STX8: variants seen among roughly 807,000 people sequenced by gnomAD.
STX8 encodes syntaxin-8.
STX8 carries 23 observed loss-of-function variants against 37.5 expected under a neutral mutation model. That is an observed-to-expected ratio of 0.61 (90% CI 0.44 to 0.87). The LOEUF is 0.87. Ranked by LOEUF, STX8 falls within the 40% of genes least tolerant of loss-of-function variation. STX8 has a pLI of 0.00. For synonymous variants in STX8, 115 were observed against 99.1 expected (o/e 1.16, Z -0.95); for missense variants, 313 against 284.7 (o/e 1.10, Z -0.71).
At chr17:9,432,561 A>G (rs968820828) in intron 6 of STX8, among the ~76,000 whole-genome samples, 8 of 152,236 alleles carry the variant, frequency 5.3e-5, no homozygotes, top group African/African-American at 1.4e-4. Flanking sequence ...CACTAAAATA[A>G]AAGATGAGGA....
At chr17:9,299,937 T>G (rs2531853) in intron 7 of STX8, among the ~76,000 whole-genome samples, 77,220 of 151,954 alleles carry the variant, frequency 0.51, 20,355 homozygotes, top group Middle Eastern at 0.69. Flanking sequence ...AGCTTTAAGT[T>G]GTTATCTCGT....
At chr17:9,484,973 A>G (rs1299017990) in intron 6 of STX8, among the ~76,000 whole-genome samples, 4 of 152,170 alleles carry the variant, frequency 2.6e-5, no homozygotes. Context: ...TTTATCAGGA[A>G]GGCATTGGGA....
chr17:9,517,788 TAAAAAAAA>T (rs11318149), intron 4 of STX8, among the ~76,000 whole-genome samples: 1 of 98,748 alleles, frequency 1.0e-5, no homozygotes, highest in Non-Finnish European at 2.0e-5. Context: ...ACCCCTATTG[TAAAAAAAA>T]AAAAAAAAAA....
chr17:9,400,695 C>T (rs991533260), intron 6 of STX8, among the ~76,000 whole-genome samples: 9 of 152,290 alleles, frequency 5.9e-5, no homozygotes, highest in Middle Eastern at 3.4e-3. Flanking sequence ...GTGAGCCACC[C>T]GCGCCCGGCC....
chr17:9,339,070 C>CAAAAAAAAAAAAAAA (rs34987749), intron 7 of STX8, among the ~76,000 whole-genome samples: 13 of 70,018 alleles, frequency 1.9e-4, no homozygotes, highest in African/African-American at 8.4e-4. Context: ...GACTCCGTCT[C>CAAAAAAAAAAAAAAA]AAAAAAAAAA....
intron 4 of STX8, among the ~76,000 whole-genome samples, chr17:9,528,024 G>A (rs1437810023): frequency 6.6e-6 from 1 of 152,204 alleles, no homozygotes; most frequent in African/African-American, 2.4e-5. Context: ...GAATACAACT[G>A]ACGAATTTGT....
chr17:9,568,266 T>A, intron 2 of STX8, 105 bp downstream of exon 2: 1 of 762,000 alleles, frequency 1.3e-6, no homozygotes, highest in South Asian at 1.8e-5. Flanking sequence ...AGCAGATAGA[T>A]CATCATACAC....
chr17:9,545,242 C>A lies in STX8; in HGVS notation c.253G>T (p.Asp85Tyr), dbSNP rs533254914. ...EGDRRQNLLD[D>Y]LVTRERLLLA... is the part of the protein sequence containing the mutation. ...AGTAGTCTCTCTCGAGTTACAAGAT[C>A]ATCCAAGAGGTTCTGTCTTCGGTCC... is the stretch of plus-strand genomic sequence containing the variant. The change falls in exon 4 of 8, where the codon GAT becomes TAT. Residue 85 changes from aspartate (D) to tyrosine (Y), a missense_variant. Asp to Tyr is a radical substitution (Grantham distance 160). Transcript: ENST00000306357. 5 of 1,614,152 alleles carry A rather than the reference C, an allele frequency of 3.1e-6. No homozygotes were observed. In the South Asian group the frequency reaches 5.5e-5, roughly 18 times the overall value.
At chr17:9,517,522 T>C (rs1021257397) in intron 4 of STX8, among the ~76,000 whole-genome samples, 3 of 151,930 alleles carry the variant, frequency 2.0e-5, no homozygotes, top group Non-Finnish European at 4.4e-5. Flanking sequence ...AGCACAGGTA[T>C]TACTGACAAG....
intron 6 of STX8, among the ~76,000 whole-genome samples, chr17:9,488,800 A>AAGAGAGAGAGAG (rs201248571): frequency 5.0e-5 from 7 of 140,792 alleles, no homozygotes; most frequent in African/African-American, 1.9e-4. Flanking sequence ...TTAAGAGAGA[A>AAGAGAGAGAGAG]AGAGAGAGAG....
intron 7 of STX8, among the ~76,000 whole-genome samples, chr17:9,262,362 G>A (rs1380838540): frequency 1.3e-5 from 2 of 152,104 alleles, no homozygotes; most frequent in Non-Finnish European, 2.9e-5. Context: ...ATTTTGAACT[G>A]AGCACAATTG....
chr17:9,470,116 A>G (rs35920214), intron 6 of STX8: 2 of 152,328 alleles, frequency 1.3e-5, no homozygotes, highest in South Asian at 4.1e-4. Context: ...AATAAAAACA[A>G]CAACAAAAAT....
At chr17:9,564,908 G>A in intron 2 of STX8, among the ~76,000 whole-genome samples, 1 of 152,156 alleles carries the variant, frequency 6.6e-6, no homozygotes, top group East Asian at 1.9e-4. Context: ...GCAATCCTAA[G>A]CAAAAAGAAC....
chr17:9,530,603 A>C (rs1465158577), intron 4 of STX8, among the ~76,000 whole-genome samples: 1 of 152,228 alleles, frequency 6.6e-6, no homozygotes, highest in Non-Finnish European at 1.5e-5. Flanking sequence ...TACATTCATC[A>C]ACCATTGAAT....
chr17:9,279,059 TTG>T (rs1190655235), intron 7 of STX8, among the ~76,000 whole-genome samples: 1 of 101,416 alleles, frequency 9.9e-6, no homozygotes, highest in Admixed American at 1.1e-4. Context: ...TGTGTGTTTT[TTG>T]TTTTTTGTTT....
At position 9,459,017 on chromosome 17, in the gene STX8, A is replaced by G. The variant is rs547341709; in HGVS notation, c.541+32812T>C. ...GCTAATGCTTTTTGTATTTTTTAGT[A>G]GAGACAGGGTTTCACCGTGTTAGCC... is the stretch of plus-strand genomic sequence containing the variant. On this transcript the variant is annotated intron_variant, in intron 6 of 7. Transcript: ENST00000306357. Among the ~76,000 whole-genome samples the G allele has an allele frequency of 2.2e-3, 332 of 152,012 alleles. 5 individuals carry two copies. Among genetic ancestry groups the G allele is most frequent in the African/African-American group, 7.7e-3 (319 of 41,434 alleles).
At chr17:9,571,054 G>A (rs1223719784) in intron 1 of STX8, among the ~76,000 whole-genome samples, 1 of 152,186 alleles carries the variant, frequency 6.6e-6, no homozygotes, top group African/African-American at 2.4e-5. Context: ...GCTAGTTTCT[G>A]CAGAGCCTTG....
chr17:9,402,846 G>T (rs1439443345), intron 6 of STX8, among the ~76,000 whole-genome samples: 7 of 152,168 alleles, frequency 4.6e-5, no homozygotes, highest in Non-Finnish European at 4.4e-5. Flanking sequence ...GTGCTTGTGT[G>T]TTTTTCTTCT....
intron 7 of STX8, among the ~76,000 whole-genome samples, chr17:9,342,070 T>C (rs572796582): frequency 1.3e-5 from 2 of 151,896 alleles, no homozygotes; most frequent in African/African-American, 4.8e-5. Flanking sequence ...GGGGAGATGG[T>C]TTTCGGGATG....
Sources: allele counts gnomAD v4.1 joint callset (sites outside exome capture counted in the v4.1 genomes callset), GRCh38; gene constraint gnomAD v4.1.1; transcripts MANE v1.5; gene names NCBI Gene and HGNC (gene_info 2026-07-23, HGNC 2026-07-21).